The following LDLRAD4 variants were observed in gnomAD, a reference collection of about 807,000 sequenced individuals.
LDLRAD4 encodes the protein low density lipoprotein receptor class A domain containing 4, also known as low-density lipoprotein receptor class A domain-containing protein 4.
Under a neutral mutation model 17.0 loss-of-function variants are expected in LDLRAD4, and 5 were observed. The observed-to-expected ratio is 0.29, with a 90% CI of 0.15 to 0.62. The LOEUF is 0.62. Among genes scored for constraint, LDLRAD4 ranks in the 20% least tolerant of loss-of-function variants. LDLRAD4 has a pLI of 0.84. For missense variants in LDLRAD4, 340 were observed against 424.7 expected (o/e 0.80, Z 1.75); for synonymous variants, 168 against 171.8 (o/e 0.98, Z 0.17).
chr18:13,496,872 C>G (rs533367180), intron 3 of LDLRAD4, among the ~76,000 whole-genome samples: 5 of 152,344 alleles, frequency 3.3e-5, no homozygotes, highest in African/African-American at 1.2e-4. Flanking sequence ...GCAGCCAGCC[C>G]GAACCTGGGC....
At chr18:13,226,249 G>A (rs1042487028) in intron 1 of LDLRAD4, among the ~76,000 whole-genome samples, 5 of 135,414 alleles carry the variant, frequency 3.7e-5, no homozygotes, top group Admixed American at 8.9e-5. Flanking sequence ...TCAAATTCCC[G>A]GGCTGAAGCA....
Position 13,473,127 on chromosome 18 carries a change from G to C in LDLRAD4, c.181+34743G>C, listed in dbSNP as rs949636477. 3.4e-5 allele frequency among the ~76,000 whole-genome samples: 5 copies of C among 148,984 alleles called. No individual in the cohort carries two copies. The Admixed American group carries it at 3.4e-4, about 10-fold the overall frequency. ...TTGAAGCATTTGAAGGCAGAATATA[G>C]TTCACAGAAAAAGCAAACCTAATTA... On this transcript the variant is annotated intron_variant, in intron 3 of 5. Coordinates refer to ENST00000359446, the Ensembl canonical transcript of LDLRAD4.
At chr18:13,584,466 C>T (rs1307397432) in intron 3 of LDLRAD4, among the ~76,000 whole-genome samples, 2 of 152,182 alleles carry the variant, frequency 1.3e-5, no homozygotes. Flanking sequence ...GTCTCCTCTT[C>T]CTTCCCAGAC....
chr18:13,226,417 G>A (rs1405797911), intron 1 of LDLRAD4, among the ~76,000 whole-genome samples: 1 of 151,842 alleles, frequency 6.6e-6, no homozygotes, highest in Non-Finnish European at 1.5e-5. Flanking sequence ...GCCAGATGGG[G>A]CTTTCAGAAT....
At chr18:13,218,514 C>T (rs995541287), upstream of LDLRAD4, among the ~76,000 whole-genome samples, 16 of 152,184 alleles carry the variant, frequency 1.1e-4, no homozygotes, top group African/African-American at 3.9e-4. Flanking sequence ...CTCGGCGAGC[C>T]GTGGCGGGCA....
At chr18:13,535,315 A>G (rs2094188139) in intron 3 of LDLRAD4, among the ~76,000 whole-genome samples, 1 of 152,234 alleles carries the variant, frequency 6.6e-6, no homozygotes, top group African/African-American at 2.4e-5. Context: ...ATTGAGCCAC[A>G]TTCTCATCAA....
intron 2 of LDLRAD4, among the ~76,000 whole-genome samples, chr18:13,427,126 C>T (rs1214428479): frequency 6.6e-6 from 1 of 152,150 alleles, no homozygotes; most frequent in Non-Finnish European, 1.5e-5. Context: ...GCGGAGATTG[C>T]AGTGAGCCGA....
chr18:13,474,699 G>A (rs1052416788), intron 3 of LDLRAD4, among the ~76,000 whole-genome samples: 2 of 152,228 alleles, frequency 1.3e-5, no homozygotes, highest in South Asian at 4.1e-4. Context: ...GGAGACTCCA[G>A]AAGTAGAGTT....
At chr18:13,373,155 ATGTG>A (rs35632499) in intron 1 of LDLRAD4, among the ~76,000 whole-genome samples, 21 of 149,670 alleles carry the variant, frequency 1.4e-4, no homozygotes, top group African/African-American at 4.9e-4. Context: ...CAACTGTTTA[ATGTG>A]TGTGTGTGTG....
intron 3 of LDLRAD4, among the ~76,000 whole-genome samples, chr18:13,524,098 C>T (rs956783458): frequency 6.6e-5 from 10 of 152,226 alleles, no homozygotes; most frequent in Non-Finnish European, 1.3e-4. Flanking sequence ...TAGCTGTCAG[C>T]ACCTCGGTCT....
chr18:13,533,665 T>C (rs2094161638), intron 3 of LDLRAD4, among the ~76,000 whole-genome samples: 1 of 152,230 alleles, frequency 6.6e-6, no homozygotes, highest in African/African-American at 2.4e-5. Context: ...AGTCCATGTA[T>C]CTGAATTACA....
intron 1 of LDLRAD4, among the ~76,000 whole-genome samples, chr18:13,225,574 A>G (rs1367814874): frequency 6.6e-6 from 1 of 152,208 alleles, no homozygotes; most frequent in Non-Finnish European, 1.5e-5. Flanking sequence ...ACGCATTGTC[A>G]TGACCCAAGG....
chr18:13,236,190 T>A (rs1365826630), intron 1 of LDLRAD4, among the ~76,000 whole-genome samples: 1 of 152,166 alleles, frequency 6.6e-6, no homozygotes, highest in Non-Finnish European at 1.5e-5. Context: ...CGAGCTGGGC[T>A]GGGCAGTTCT....
chr18:13,636,910 GC>G (rs1278211316), intron 4 of LDLRAD4, among the ~76,000 whole-genome samples: 1 of 151,692 alleles, frequency 6.6e-6, no homozygotes, highest in Non-Finnish European at 1.5e-5. Context: ...TGATTCTCCT[GC>G]CTCAGCCTCC....
At chr18:13,415,754 G>GC (rs1256473299) in intron 2 of LDLRAD4, among the ~76,000 whole-genome samples, 2 of 152,226 alleles carry the variant, frequency 1.3e-5, no homozygotes, top group African/African-American at 4.8e-5. Context: ...CCAAGGAAAA[G>GC]CCAGGGCCTG....
chr18:13,290,547 G>A (rs2146398840), intron 1 of LDLRAD4, among the ~76,000 whole-genome samples: 1 of 151,178 alleles, frequency 6.6e-6, no homozygotes, highest in Non-Finnish European at 1.5e-5. Flanking sequence ...TTATTCTTCA[G>A]ACAGGTATTC....
chr18:13,234,179 A>G (rs115421216), intron 1 of LDLRAD4, among the ~76,000 whole-genome samples: 4,196 of 152,266 alleles, frequency 0.028, 186 homozygotes, highest in African/African-American at 0.094. Context: ...GTCTGGATGC[A>G]GCAGCCAGTG....
At chr18:13,582,074 C>G (rs2094867970) in intron 3 of LDLRAD4, among the ~76,000 whole-genome samples, 1 of 152,088 alleles carries the variant, frequency 6.6e-6, no homozygotes, top group East Asian at 1.9e-4. Flanking sequence ...GGAGTCAGCC[C>G]CTAGCTCTCA....
At chr18:13,464,016 G>A (rs910265581) in intron 3 of LDLRAD4, among the ~76,000 whole-genome samples, 4 of 152,030 alleles carry the variant, frequency 2.6e-5, no homozygotes, top group South Asian at 2.1e-4. Flanking sequence ...TTCTTTTCTC[G>A]CTTTCAGCCC....
Sources: gnomAD v4.1 joint callset for allele counts (sites outside exome capture counted in the v4.1 genomes callset) on GRCh38, gnomAD v4.1.1 for gene constraint, MANE v1.5 for transcripts, NCBI Gene and HGNC (gene_info 2026-07-23, HGNC 2026-07-21) for gene names.